The following AOAH variants were observed in gnomAD, a reference collection of about 807,000 sequenced individuals.
AOAH encodes acyloxyacyl hydrolase.
A neutral mutation model predicts 92.2 loss-of-function variants in AOAH; 64 were observed. That is an observed-to-expected ratio of 0.69 (90% CI 0.57 to 0.86). The LOEUF (loss-of-function observed/expected upper bound fraction) is 0.86, where lower values mean the gene tolerates loss of function less well. Among genes scored for constraint, AOAH ranks in the 40% least tolerant of loss-of-function variants. AOAH has a pLI of 0.00. For missense variants in AOAH, 656 were observed against 694.6 expected, an observed-to-expected ratio of 0.94 and a Z score of 0.62; for synonymous variants, 263 against 254.5, an observed-to-expected ratio of 1.03 and a Z score of -0.32.
chr7:36,652,480 G>A (rs527658142), intron 4 of AOAH, among the ~76,000 whole-genome samples: 1 of 152,280 alleles, frequency 6.6e-6, no homozygotes, highest in South Asian at 2.1e-4. Context: ...GTCCTCCCTG[G>A]CCTCACTGAG....
intron 12 of AOAH, among the ~76,000 whole-genome samples, chr7:36,579,903 T>C (rs1316139040): frequency 1.3e-5 from 2 of 152,242 alleles, no homozygotes; most frequent in Admixed American, 6.5e-5. Context: ...ACACTCAGTA[T>C]TAACCATCAC....
At position 36,640,496 on chromosome 7, in the gene AOAH, C is replaced by A. The variant is rs1793830489; in HGVS notation, c.391-2586G>T. On this transcript the variant is annotated intron_variant, in intron 4 of 20. Transcript: ENST00000617537. Reference sequence around the variant, plus strand: ...CCCACCAGCACCCTTGAGGCCGGGGCAACAGGGGCTTAGCCAGCACAGACA... The same window carrying A: ...CCCACCAGCACCCTTGAGGCCGGGGAAACAGGGGCTTAGCCAGCACAGACA... 2.0e-5 allele frequency among the ~76,000 whole-genome samples: 3 copies of A among 152,176 alleles called. No individual in the cohort carries two copies. The South Asian group carries it at 6.2e-4, about 32-fold the overall frequency.
chr7:36,673,916 C>G (rs1411910893), intron 3 of AOAH, 27 bp downstream of exon 3: 1 of 1,533,358 alleles, frequency 6.5e-7, no homozygotes, highest in Admixed American at 1.7e-5. Context: ...GCAATGGAAT[C>G]AGAGTTATGT....
intron 1 of AOAH, among the ~76,000 whole-genome samples, chr7:36,715,152 G>T (rs997838669): frequency 3.9e-5 from 6 of 152,102 alleles, no homozygotes; most frequent in Non-Finnish European, 7.4e-5. Flanking sequence ...AAATCAATGT[G>T]CAAAAATCAC....
intron 5 of AOAH, among the ~76,000 whole-genome samples, chr7:36,637,603 C>T (rs1466258649): frequency 6.6e-6 from 1 of 152,032 alleles, no homozygotes; most frequent in East Asian, 1.9e-4. Flanking sequence ...AAGCCCAGGA[C>T]AGCCTGCACA....
At chr7:36,555,063 A>G (rs1292522331) in intron 13 of AOAH, among the ~76,000 whole-genome samples, 1 of 145,820 alleles carries the variant, frequency 6.9e-6, no homozygotes, top group Admixed American at 6.9e-5. Context: ...GTCTTGTGCC[A>G]GTTTTCAAAG....
chr7:36,620,884 G>C (rs1792229896), intron 8 of AOAH, 55 bp from the exon 9 acceptor site: 1 of 1,524,246 alleles, frequency 6.6e-7, no homozygotes, highest in African/African-American at 1.4e-5. Flanking sequence ...CTCAGTGGAT[G>C]TCAGTTTCAT....
chr7:36,577,879 C>T (rs1424371493), intron 12 of AOAH, among the ~76,000 whole-genome samples: 1 of 152,188 alleles, frequency 6.6e-6, no homozygotes, highest in African/African-American at 2.4e-5. Flanking sequence ...CACAACCTTA[C>T]ATACAATCAC....
chr7:36,628,605 G>C (rs1463257150), intron 6 of AOAH, among the ~76,000 whole-genome samples: 1 of 151,674 alleles, frequency 6.6e-6, no homozygotes, highest in Non-Finnish European at 1.5e-5. Context: ...GGGCACTGAA[G>C]AGGAGCCAGG....
intron 4 of AOAH, among the ~76,000 whole-genome samples, chr7:36,656,192 T>C (rs1018327512): frequency 6.6e-6 from 1 of 152,144 alleles, no homozygotes; most frequent in Non-Finnish European, 1.5e-5. Context: ...CATCAAAAGA[T>C]GATTGGGGGA....
chr7:36,514,716 G>A (rs1790238462), intron 20 of AOAH: 1 of 691,178 alleles, frequency 1.4e-6, no homozygotes, highest in South Asian at 1.7e-5. Context: ...GCCTGCCAGA[G>A]GGGAATACAT....
At chr7:36,671,066 A>G (rs1046328807) in intron 3 of AOAH, among the ~76,000 whole-genome samples, 4 of 152,120 alleles carry the variant, frequency 2.6e-5, no homozygotes, top group African/African-American at 7.2e-5. Flanking sequence ...GGGACTTTTC[A>G]GCTTGCTGAT....
intron 11 of AOAH, among the ~76,000 whole-genome samples, chr7:36,603,291 C>A (rs1357602302): frequency 6.6e-6 from 1 of 152,158 alleles, no homozygotes; most frequent in Non-Finnish European, 1.5e-5. Flanking sequence ...CCCCCGTCAA[C>A]AATCTGGGTC....
intron 3 of AOAH, among the ~76,000 whole-genome samples, chr7:36,673,624 C>T (rs1049589244): frequency 3.3e-5 from 5 of 152,050 alleles, no homozygotes; most frequent in South Asian, 2.1e-4. Flanking sequence ...AGTAGGGAGG[C>T]GGAGAGAAGC....
intron 19 of AOAH, among the ~76,000 whole-genome samples, chr7:36,523,629 G>GGTTTTTTTTTTTTTTTTT (rs759621905): frequency 1.0e-5 from 1 of 100,138 alleles, no homozygotes; most frequent in African/African-American, 4.1e-5. Context: ...TGTTTTGCCT[G>GGTTTTTTTTTTTTTTTTT]TTTTTTTTTT....
chr7:36,677,426 A>G (rs1458990085), intron 2 of AOAH, among the ~76,000 whole-genome samples: 1 of 152,236 alleles, frequency 6.6e-6, no homozygotes, highest in Admixed American at 6.5e-5. Flanking sequence ...ATAATAAAAG[A>G]GAGAATAATA....
At chr7:36,715,871 C>A (rs1799128527) in intron 1 of AOAH, among the ~76,000 whole-genome samples, 2 of 151,920 alleles carry the variant, frequency 1.3e-5, no homozygotes, top group South Asian at 4.2e-4. Context: ...CCATAAAAAC[C>A]CTAGAAGAAA....
At chr7:36,520,711 A>G (rs1405816482) in intron 20 of AOAH, among the ~76,000 whole-genome samples, 8 of 1,722 alleles carry the variant, frequency 4.6e-3, no homozygotes, top group South Asian at 0.12. Context: ...GTCTCGAGAA[A>G]AAAAAAAAAA....
intron 13 of AOAH, among the ~76,000 whole-genome samples, chr7:36,569,021 T>C (rs1787907216): frequency 6.6e-6 from 1 of 152,166 alleles, no homozygotes; most frequent in African/African-American, 2.4e-5. Context: ...GACACTTCCA[T>C]GAAGTGTTAA....
Sources: allele counts gnomAD v4.1 joint callset (sites outside exome capture counted in the v4.1 genomes callset), GRCh38; gene constraint gnomAD v4.1.1; transcripts MANE v1.5; gene names NCBI Gene and HGNC (gene_info 2026-07-23, HGNC 2026-07-21).